The following ZNG1F variants were observed in gnomAD, a reference collection of about 807,000 sequenced individuals.
ZNG1F encodes zinc-regulated GTPase metalloprotein activator 1F.
the ZNG1F span, among the ~76,000 whole-genome samples, chr9:41,134,954 A>T: frequency 7.0e-6 from 1 of 142,400 alleles, no homozygotes. Flanking sequence ...TGAGCAGTAT[A>T]CACTGCACCC....
At chr9:41,185,749 G>A in the ZNG1F span, among the ~76,000 whole-genome samples, 381 of 139,184 alleles carry the variant, frequency 2.7e-3, no homozygotes, top group African/African-American at 9.8e-3. Flanking sequence ...TTTATTTCAT[G>A]TAAAAATGTA....
chr9:41,156,699 TA>T, the ZNG1F span: 10 of 182,044 alleles, frequency 5.5e-5, no homozygotes, highest in Admixed American at 1.4e-4. Flanking sequence ...TTTTTATAGC[TA>T]AAAAATCAGC....
chr9:41,166,284 C>T, the ZNG1F span, among the ~76,000 whole-genome samples: 1 of 132,864 alleles, frequency 7.5e-6, no homozygotes, highest in Non-Finnish European at 1.6e-5. Flanking sequence ...CAAAAATTAG[C>T]TGGGCATGGT....
At chr9:41,183,759 A>C in the ZNG1F span, 1 of 1,579,220 alleles carries the variant, frequency 6.3e-7, no homozygotes, top group Non-Finnish European at 8.6e-7. Context: ...TGGAGATCTT[A>C]AAGCAGAAAC....
At chr9:41,132,286 C>G in the ZNG1F span, 1 of 1,604,754 alleles carries the variant, frequency 6.2e-7, no homozygotes, top group Non-Finnish European at 8.5e-7. Flanking sequence ...CTGGAGTCTC[C>G]TCCAGATCAC....
At chr9:41,158,825 G>A in the ZNG1F span, 3 of 108,952 alleles carry the variant, frequency 2.8e-5, no homozygotes, top group African/African-American at 9.7e-5. Context: ...TTCCTCCTTT[G>A]GAGATAAAAC....
chr9:41,139,910 A>T, the ZNG1F span, among the ~76,000 whole-genome samples: 3 of 152,112 alleles, frequency 2.0e-5, no homozygotes, highest in African/African-American at 7.2e-5. Flanking sequence ...TGTCTAAAAC[A>T]GTAAAACTCA....
the ZNG1F span, among the ~76,000 whole-genome samples, chr9:41,166,440 TTATACA>T: frequency 3.1e-5 from 1 of 31,754 alleles, no homozygotes; most frequent in African/African-American, 8.3e-5. Context: ...ATAATTATTA[TTATACA>T]TATATATATA....
chr9:41,152,187 G>T, the ZNG1F span, among the ~76,000 whole-genome samples: 1 of 138,048 alleles, frequency 7.2e-6, no homozygotes, highest in Admixed American at 7.7e-5. Flanking sequence ...ACAAAAAAAG[G>T]CAGGGGTTGC....
the ZNG1F span, among the ~76,000 whole-genome samples, chr9:41,187,567 G>C: frequency 6.7e-6 from 1 of 149,280 alleles, no homozygotes; most frequent in Non-Finnish European, 1.5e-5. Context: ...AAGGTGTGAC[G>C]CAGTCAGATT....
the ZNG1F span, chr9:41,196,170 TC>T: frequency 1.9e-5 from 1 of 54,040 alleles, no homozygotes. Context: ...TTCTCACAGT[TC>T]TAGAGGCTAT....
chr9:41,141,202 AT>A, the ZNG1F span, among the ~76,000 whole-genome samples: 2 of 151,706 alleles, frequency 1.3e-5, no homozygotes, highest in Non-Finnish European at 2.9e-5. Flanking sequence ...AACTCTTTTC[AT>A]GTTAGAAAAA....
chr9:41,138,774 T>C, the ZNG1F span, among the ~76,000 whole-genome samples: 1 of 88,940 alleles, frequency 1.1e-5, no homozygotes. Context: ...GCTAAGACTT[T>C]CCAGAGCATT....
At chr9:41,183,465 CTG>C in the ZNG1F span, 11 of 1,267,880 alleles carry the variant, frequency 8.7e-6, 1 homozygote, top group Non-Finnish European at 1.2e-5. Flanking sequence ...ATGAAGCAAA[CTG>C]TGTAAATTCA....
At chr9:41,140,345 T>A in the ZNG1F span, among the ~76,000 whole-genome samples, 2 of 7,638 alleles carry the variant, frequency 2.6e-4, no homozygotes, top group African/African-American at 2.8e-4. Context: ...CACAATGGTA[T>A]TTGTGTGACA....
chr9:41,196,199 T>C, the ZNG1F span: 1 of 50,678 alleles, frequency 2.0e-5, no homozygotes, highest in African/African-American at 4.9e-5. Context: ...AAAATCAAGG[T>C]GCCAGGAAGT....
At chr9:41,137,173 G>A in the ZNG1F span, among the ~76,000 whole-genome samples, 2 of 143,828 alleles carry the variant, frequency 1.4e-5, no homozygotes, top group African/African-American at 5.2e-5. Context: ...TTGATAGGTT[G>A]TGTCACTATT....
the ZNG1F span, chr9:41,157,576 G>A: frequency 6.9e-6 from 1 of 144,454 alleles, no homozygotes; most frequent in African/African-American, 2.5e-5. Flanking sequence ...TTAGATTCCA[G>A]AAGCTTGCCA....
the ZNG1F span, among the ~76,000 whole-genome samples, chr9:41,175,106 A>G: frequency 6.8e-6 from 1 of 147,172 alleles, no homozygotes; most frequent in South Asian, 2.2e-4. Flanking sequence ...CTAAAAGAAT[A>G]AGTGTAGGAG....
Sources: allele counts gnomAD v4.1 joint callset (sites outside exome capture counted in the v4.1 genomes callset), GRCh38; gene constraint gnomAD v4.1.1; transcripts MANE v1.5; gene names NCBI Gene and HGNC (gene_info 2026-07-23, HGNC 2026-07-21).